GYS1: variants seen among roughly 807,000 people sequenced by gnomAD.
The protein encoded by GYS1 is glycogen synthase 1, also known as glycogen [starch] synthase, muscle.
A neutral mutation model predicts 89.1 loss-of-function variants in GYS1; 60 were observed. That is an observed-to-expected ratio of 0.67 (90% CI 0.55 to 0.84). GYS1 has a LOEUF of 0.84. GYS1 is among the 40% of genes least tolerant of loss of function. The pLI, the probability that GYS1 is intolerant of heterozygous loss-of-function variation, is 0.00. For synonymous variants in GYS1, 366 were observed against 401.7 expected (o/e 0.91, Z 1.06); for missense variants, 888 against 1,003.1 (o/e 0.89, Z 1.55).
At chr19:48,973,077 G>A (rs2038590020) in intron 12 of GYS1, among the ~76,000 whole-genome samples, 1 of 152,184 alleles carries the variant, frequency 6.6e-6, no homozygotes, top group South Asian at 2.1e-4. Context: ...TGTCGAGGGA[G>A]GGAAATGATT....
In GYS1 at chr19:48,987,191, T is replaced by C. The variant is rs754938407; in HGVS notation, c.492+3A>G. The C allele has an allele frequency of 1.2e-5, 20 of 1,605,384 alleles. No individual in the cohort carries two copies. The highest frequency in any genetic ancestry group is 1.7e-5 in the Non-Finnish European group (20 of 1,172,552). ...TGGGTGGAATGTGTCAGACGGGGCC[T>C]ACCTCACCCAGGAACCAGGTGGTCA... On this transcript the variant is annotated splice_donor_region_variant and intron_variant, in intron 3 of 15. Transcript: ENST00000323798.
intron 6 of GYS1, 120 bp downstream of exon 6, chr19:48,982,600 C>T (rs2038783915): frequency 1.1e-6 from 1 of 880,670 alleles, no homozygotes; most frequent in South Asian, 1.3e-5. Context: ...GGCCGAATAC[C>T]CAGGTGCCCC....
chr19:48,979,442 T>G lies in GYS1; in HGVS notation c.1170-1285A>C, dbSNP rs10410941. ...TCGGCCACTTTCTAGGTTCAAGAAA[T>G]TCTCCTGCCTCAGCCTCCTGAGTAG... On this transcript the variant is annotated intron_variant, in intron 8 of 15. Coordinates refer to ENST00000323798, the MANE Select transcript of GYS1 (RefSeq NM_002103.5). 2.8e-5 allele frequency among the ~76,000 whole-genome samples: 4 copies of G among 142,394 alleles called. No homozygotes were observed. The South Asian group carries it at 9.5e-4, about 34-fold the overall frequency. The allele number at this position is 142,394 out of a possible 152,430, so 93.4% of individuals were successfully genotyped here. A position where few individuals can be genotyped will look rare whatever the true frequency, so the allele number is the denominator to read the frequency against.
At position 48,991,248 on chromosome 19, in the gene GYS1, AC is replaced by A. The variant is rs974364819; in HGVS notation, c.300+53del. 7.6e-6 allele frequency: 12 copies of A among 1,581,614 alleles called. No individual in the cohort carries two copies. The highest frequency in any genetic ancestry group is 1.7e-5 in the Admixed American group (1 of 59,918). Reference sequence around the variant, plus strand: ...TGCACCCTCTCCGTCTGTGGCTCCCACCCCGATGGCAGGCTGTCCACCCGCT... The same window carrying A: ...TGCACCCTCTCCGTCTGTGGCTCCCACCCGATGGCAGGCTGTCCACCCGCT... On this transcript the variant is annotated intron_variant, in intron 2 of 15. Coordinates refer to ENST00000323798, the MANE Select transcript of GYS1 (RefSeq NM_002103.5). The surrounding 1 kb of genome is among the most constrained non-coding windows in gnomAD (Gnocchi z 4.7).
intron 12 of GYS1, among the ~76,000 whole-genome samples, chr19:48,973,287 T>C (rs1267317150): frequency 6.6e-6 from 1 of 151,664 alleles, no homozygotes; most frequent in East Asian, 1.9e-4. Flanking sequence ...GAACGGTGAG[T>C]CAATTACACC....
At chr19:48,990,035 G>C (rs1345769697) in intron 2 of GYS1, among the ~76,000 whole-genome samples, 1 of 124,546 alleles carries the variant, frequency 8.0e-6, no homozygotes, top group Non-Finnish European at 1.6e-5. Flanking sequence ...CCCCCAGCAC[G>C]TGGGAAGCAG....
chr19:48,985,147 G>A (rs1180582840), intron 5 of GYS1, among the ~76,000 whole-genome samples: 3 of 152,054 alleles, frequency 2.0e-5, no homozygotes, highest in Admixed American at 2.0e-4. Context: ...GACCTCCTAG[G>A]CTCGAGCAAT....
chr19:48,988,763 A>G (rs554786853), intron 2 of GYS1, among the ~76,000 whole-genome samples: 13 of 151,818 alleles, frequency 8.6e-5, no homozygotes, highest in African/African-American at 3.1e-4. Flanking sequence ...CACAGGCACA[A>G]GGTATCACAT....
chr19:48,982,915 A>T, intron 5 of GYS1, 78 bp from the exon 6 acceptor site: 1 of 1,097,914 alleles, frequency 9.1e-7, no homozygotes, highest in South Asian at 1.2e-5. Context: ...AAATGAAGAA[A>T]ACACCCTTTG....
In GYS1 at chr19:48,990,006, G is replaced by GC. The variant is rs1052494065; in HGVS notation, c.300+1295_300+1296insG. The stretch of plus-strand genomic sequence containing the variant: ...GTTGTCTGCCCTTTTGCTGGGGGGG[G>GC]GGGGGGGCTATTCTTAGGCCCCCAG... On this transcript the variant is annotated intron_variant, in intron 2 of 15. Transcript: ENST00000323798. Among the ~76,000 whole-genome samples, 5 of 150,404 alleles carry GC rather than the reference G, an allele frequency of 3.3e-5. 1 individual carries two copies. The highest frequency in any genetic ancestry group is 1.2e-4 in the African/African-American group (5 of 40,504).
chr19:48,982,325 C>A lies in GYS1; in HGVS notation c.992G>T (p.Arg331Leu), dbSNP rs1280294667. Residue 331 changes from arginine (R) to leucine (L), a missense_variant, in exon 7 of 16, where the codon CGC (arginine) becomes CTC (leucine). Transcript: ENST00000323798. ...AGCACCCTTGTTGGAGAACTCATAG[C>A]GGCCGGCGATAAAGAAGTATAAGGT... Reference protein sequence around the residue: ...DKTLYFFIAGRYEFSNKGADV... With the variant: ...DKTLYFFIAGLYEFSNKGADV... 1 of 1,613,712 alleles carries A rather than the reference C, an allele frequency of 6.2e-7. No homozygotes were observed. Among genetic ancestry groups the A allele is most frequent in the East Asian group, 2.2e-5 (1 of 44,866 alleles).
At chr19:48,989,161 A>C (rs961463684) in intron 2 of GYS1, among the ~76,000 whole-genome samples, 1 of 149,718 alleles carries the variant, frequency 6.7e-6, no homozygotes, top group African/African-American at 2.5e-5. Flanking sequence ...CACTCCGGTC[A>C]CCCAGGCTGG....
In GYS1 at chr19:48,991,894, C is replaced by T. The variant is rs1236810854; in HGVS notation, c.119-411G>A. Reference sequence around the variant, plus strand: ...CAGCTCACAGGAGCTGGGTTTAAATCGCAGCCAGGCTCCAAAACCCAGTGA... The same window carrying T: ...CAGCTCACAGGAGCTGGGTTTAAATTGCAGCCAGGCTCCAAAACCCAGTGA... On this transcript the variant is annotated intron_variant, in intron 1 of 15. Coordinates refer to ENST00000323798, the MANE Select transcript of GYS1 (RefSeq NM_002103.5). This position sits in a 1 kb window ranked among gnomAD's most constrained non-coding sequence, Gnocchi z 4.7. Among the ~76,000 whole-genome samples, 1 of 152,032 alleles carries T rather than the reference C, an allele frequency of 6.6e-6. No individual in the cohort carries two copies. The highest frequency in any genetic ancestry group is 2.4e-5 in the African/African-American group (1 of 41,364).
At chr19:48,971,861 CTTTT>C (rs540518757) in intron 12 of GYS1, among the ~76,000 whole-genome samples, 2 of 137,958 alleles carry the variant, frequency 1.4e-5, no homozygotes, top group Non-Finnish European at 3.1e-5. Flanking sequence ...TGGCCCAATG[CTTTT>C]TTTTTTTTTT....
intron 14 of GYS1, 33 bp downstream of exon 14, chr19:48,970,513 T>G (rs192877287): frequency 3.7e-5 from 59 of 1,600,328 alleles, no homozygotes; most frequent in Non-Finnish European, 4.7e-5. Flanking sequence ...GCTGCTGATT[T>G]GCCAGGAGAG....
chr19:48,980,156 C>T (rs1317895413), intron 8 of GYS1, among the ~76,000 whole-genome samples: 3 of 152,100 alleles, frequency 2.0e-5, no homozygotes, highest in African/African-American at 4.8e-5. Flanking sequence ...CTCCCCACCG[C>T]GTCTCAATCA....
Position 48,969,494 on chromosome 19 carries a change from C to T in GYS1, c.2008G>A (p.Glu670Lys), listed in dbSNP as rs1177489919. ...EEDPRNGPLE[E>K]DGERYDEDEE... ...TCCTCATCGTAGCGCTCGCCGTCTT[C>T]CTCCAGCGGCCCGTTCCGGGGATCC... is the stretch of plus-strand genomic sequence containing the variant. The change falls in exon 16 of 16, where the codon GAA becomes AAA. Residue 670 changes from glutamate (E) to lysine (K), a missense_variant. Glu to Lys is a moderately conservative substitution (Grantham distance 56). Coordinates refer to ENST00000323798, the MANE Select transcript of GYS1 (RefSeq NM_002103.5). 3.6e-5 allele frequency: 55 copies of T among 1,544,740 alleles called. No homozygotes were observed. Among genetic ancestry groups the T allele is most frequent in the Non-Finnish European group, 3.8e-5 (44 of 1,146,878 alleles).
chr19:48,979,745 C>T (rs559181059), intron 8 of GYS1, among the ~76,000 whole-genome samples: 2 of 148,586 alleles, frequency 1.3e-5, no homozygotes, highest in African/African-American at 5.0e-5. Context: ...CTCCCGGGTT[C>T]GAGCGATTCT....
chr19:48,982,190 G>A, intron 7 of GYS1, 65 bp downstream of exon 7: 5 of 1,547,680 alleles, frequency 3.2e-6, no homozygotes, highest in Non-Finnish European at 4.5e-6. Flanking sequence ...ACTGTGCCTG[G>A]CTGTTCTCCC....
Sources: gnomAD v4.1 joint callset for allele counts (sites outside exome capture counted in the v4.1 genomes callset) on GRCh38, gnomAD v4.1.1 for gene constraint, Gnocchi (gnomAD v3.1) non-coding constraint, MANE v1.5 for transcripts, NCBI Gene and HGNC (gene_info 2026-07-23, HGNC 2026-07-21) for gene names.